Variants in MBOAT2 observed in about 807,000 individuals in gnomAD.
MBOAT2 encodes the protein membrane-bound glycerophospholipid O-acyltransferase 2.
In MBOAT2, 28 loss-of-function variants were observed where a neutral mutation model predicts 63.4. The observed-to-expected ratio is 0.44, with a 90% confidence interval of 0.33 to 0.61. The LOEUF (loss-of-function observed/expected upper bound fraction) is 0.61, where lower values mean the gene tolerates loss of function less well. MBOAT2 is among the 20% of genes least tolerant of loss of function. MBOAT2 has a pLI of 0.03. For synonymous variants in MBOAT2, 211 were observed against 215.6 expected (o/e 0.98, Z 0.19); for missense variants, 470 against 605.8 (o/e 0.78, Z 2.35).
chr2:8,868,181 C>T (rs191567041), intron 9 of MBOAT2, among the ~76,000 whole-genome samples: 1 of 152,204 alleles, frequency 6.6e-6, no homozygotes, highest in Non-Finnish European at 1.5e-5. Flanking sequence ...TGCCTTACCC[C>T]TCTCTGATCA....
chr2:8,946,394 T>A (rs1330370292), intron 2 of MBOAT2, among the ~76,000 whole-genome samples: 2 of 152,186 alleles, frequency 1.3e-5, no homozygotes, highest in African/African-American at 4.8e-5. Flanking sequence ...AATTCTCACT[T>A]AAAAGGAACT....
chr2:8,883,136 C>T (rs974812510), intron 5 of MBOAT2, among the ~76,000 whole-genome samples: 1 of 151,610 alleles, frequency 6.6e-6, no homozygotes, highest in Non-Finnish European at 1.5e-5. Flanking sequence ...AATTTAAAGA[C>T]CAAAGGGGAA....
intron 4 of MBOAT2, among the ~76,000 whole-genome samples, chr2:8,893,272 T>C (rs945306069): frequency 7.2e-5 from 11 of 152,072 alleles, no homozygotes; most frequent in Non-Finnish European, 1.5e-5. Flanking sequence ...CCAGGGTAAC[T>C]AACTAGGAGG....
chr2:8,989,600 CA>C (rs973587606), intron 1 of MBOAT2, among the ~76,000 whole-genome samples: 12 of 152,110 alleles, frequency 7.9e-5, no homozygotes, highest in African/African-American at 2.9e-4. Context: ...GCCTAATGTA[CA>C]AATATGCAGC....
chr2:8,919,076 T>C (rs1040374683), intron 3 of MBOAT2, among the ~76,000 whole-genome samples: 2 of 152,240 alleles, frequency 1.3e-5, no homozygotes, highest in Non-Finnish European at 2.9e-5. Flanking sequence ...GCAGCATATA[T>C]CAGCAGTTTG....
chr2:8,933,373 G>C lies in MBOAT2; in HGVS notation c.299+9814C>G, dbSNP rs145434693. On this transcript the variant is annotated intron_variant, in intron 3 of 12. Transcript: ENST00000305997. ...TTGGGTGGAAGAGAGGGCAGAAACA[G>C]GGTCTTGCTCTGTTGCCCAGGCTGG... Among the ~76,000 whole-genome samples, 521 of 152,298 alleles carry C rather than the reference G, an allele frequency of 3.4e-3. 2 individuals are homozygous for C. Among genetic ancestry groups the C allele is most frequent in the African/African-American group, 0.012 (486 of 41,566 alleles).
chr2:8,853,626 T>C lies in MBOAT2; in HGVS notation c.*5053A>G, dbSNP rs1188422339. 1 of 152,248 alleles carries C rather than the reference T, an allele frequency of 6.6e-6. No homozygotes were observed. Among genetic ancestry groups the C allele is most frequent in the Non-Finnish European group, 1.5e-5 (1 of 68,044 alleles). The allele number at this position is 152,248 out of a possible 1,614,324, so 9.4% of individuals were successfully genotyped here. A position where few individuals can be genotyped will look rare whatever the true frequency, so the allele number is the denominator to read the frequency against. On this transcript the variant is annotated 3_prime_UTR_variant, in exon 13 of 13. Coordinates refer to ENST00000305997, the MANE Select transcript of MBOAT2 (RefSeq NM_138799.4). ...TAACTTTTGGTTTTTCACTGTAGCA[T>C]TTCCATTTATTTTTAGTGTGTGATT...
chr2:8,994,863 G>A (rs1216685729), intron 1 of MBOAT2, among the ~76,000 whole-genome samples: 1 of 152,184 alleles, frequency 6.6e-6, no homozygotes, highest in Non-Finnish European at 1.5e-5. Flanking sequence ...GATTTCAAGA[G>A]GAAACAGCTT....
At chr2:8,946,459 G>A (rs1258503392) in intron 2 of MBOAT2, among the ~76,000 whole-genome samples, 3 of 152,114 alleles carry the variant, frequency 2.0e-5, no homozygotes, top group Non-Finnish European at 2.9e-5. Context: ...GCAGGTAAAC[G>A]ATCAGTTACA....
intron 3 of MBOAT2, among the ~76,000 whole-genome samples, chr2:8,922,661 G>A (rs995710779): frequency 2.6e-5 from 4 of 152,180 alleles, no homozygotes; most frequent in African/African-American, 4.8e-5. Flanking sequence ...TCAAACACCC[G>A]AAGCCAGTAA....
intron 1 of MBOAT2, among the ~76,000 whole-genome samples, chr2:8,963,594 C>A (rs537852552): frequency 1.3e-5 from 2 of 152,316 alleles, no homozygotes; most frequent in South Asian, 2.1e-4. Flanking sequence ...TGAGCCACCA[C>A]ACCCAACCTG....
Position 8,908,707 on chromosome 2 carries a change from A to G in MBOAT2, c.309T>C (p.Phe103=). ...IGVENMHNYC[F]VFALGYLTVC... ...CTGTGAGGTATCCCAGAGCAAACAC[A>G]AAGCAGTAACTGCAAAACAAAAATA... Residue 103 remains phenylalanine, a synonymous_variant, in exon 4 of 13, where the codon TTT becomes TTC. Transcript: ENST00000305997. 6.2e-7 allele frequency: 1 copy of G among 1,607,290 alleles called. No homozygotes were observed. Among genetic ancestry groups the G allele is most frequent in the African/African-American group, 1.3e-5 (1 of 74,866 alleles).
At chr2:8,917,489 T>C (rs911588837) in intron 3 of MBOAT2, among the ~76,000 whole-genome samples, 18 of 152,324 alleles carry the variant, frequency 1.2e-4, no homozygotes, top group African/African-American at 3.4e-4. Context: ...AAAAAAATGT[T>C]TGACATCATT....
At chr2:8,988,127 G>A (rs1175999096) in intron 1 of MBOAT2, among the ~76,000 whole-genome samples, 1 of 152,112 alleles carries the variant, frequency 6.6e-6, no homozygotes, top group Non-Finnish European at 1.5e-5. Flanking sequence ...CCTTTTTAAG[G>A]TACAGATGAA....
At chr2:8,867,325 C>T (rs1661971976) in intron 9 of MBOAT2, among the ~76,000 whole-genome samples, 1 of 152,168 alleles carries the variant, frequency 6.6e-6, no homozygotes, top group Non-Finnish European at 1.5e-5. Context: ...TTGGTTTTCT[C>T]CTTTTTTCTT....
intron 3 of MBOAT2, among the ~76,000 whole-genome samples, chr2:8,928,588 G>C (rs977369523): frequency 6.6e-6 from 1 of 151,730 alleles, no homozygotes; most frequent in East Asian, 1.9e-4. Flanking sequence ...ACCATATTAC[G>C]AATTAAAACT....
intron 7 of MBOAT2, 67 bp from the exon 8 acceptor site, chr2:8,873,367 T>G (rs898010379): frequency 4.9e-5 from 71 of 1,457,886 alleles, no homozygotes; most frequent in Middle Eastern, 1.8e-4. Context: ...CTATGTATTA[T>G]CGACAGATTA....
At chr2:8,936,606 A>AC (rs750239752) in intron 3 of MBOAT2, among the ~76,000 whole-genome samples, 1 of 151,990 alleles carries the variant, frequency 6.6e-6, no homozygotes, top group African/African-American at 2.4e-5. Flanking sequence ...ATATGGTGAA[A>AC]CCCCGTCTCT....
Position 8,958,555 on chromosome 2 carries a change from T to A in MBOAT2, c.163A>T (p.Ile55Leu). ...AAAAGGGTAGCAACTACATGTCTTA[T>A]AAAAGAGCTAGTTTTGCTTGAATGT... Reference protein sequence around the residue: ...YLHSSKTSSFIRHVVATLLGL... With the variant: ...YLHSSKTSSFLRHVVATLLGL... Residue 55 changes from isoleucine to leucine, a missense_variant, in exon 2 of 13, where the codon ATA (isoleucine) becomes TTA (leucine). By Grantham distance (5) the Ile-to-Leu change is conservative (BLOSUM62 2). This residue lies in a region of MBOAT2 where 376 missense variants were observed against 503.8 expected (regional missense o/e 0.75). Coordinates refer to ENST00000305997, the MANE Select transcript of MBOAT2 (RefSeq NM_138799.4). The A allele has an allele frequency of 6.2e-7, 1 of 1,611,656 alleles. No homozygotes were observed. Among genetic ancestry groups the A allele is most frequent in the Non-Finnish European group, 8.5e-7 (1 of 1,179,356 alleles).
Sources: gnomAD v4.1 joint callset for allele counts (sites outside exome capture counted in the v4.1 genomes callset) on GRCh38, gnomAD v4.1.1 for gene constraint, gnomAD v4.1.1 regional missense constraint, MANE v1.5 for transcripts, NCBI Gene and HGNC (gene_info 2026-07-23, HGNC 2026-07-21) for gene names.